CTNNA2: variants seen among roughly 807,000 people sequenced by gnomAD.
CTNNA2 encodes catenin alpha 2.
In CTNNA2, 42 loss-of-function variants were observed where a neutral mutation model predicts 101.0. The observed-to-expected ratio is 0.42, with a 90% confidence interval of 0.32 to 0.54. CTNNA2 has a LOEUF of 0.54. Ranked by LOEUF, CTNNA2 falls within the 20% of genes least tolerant of loss-of-function variation. CTNNA2 has a pLI of 0.14. For synonymous variants in CTNNA2, 450 were observed against 456.4 expected, an observed-to-expected ratio of 0.99 and a Z score of 0.18; for missense variants, 871 against 1,223.1, an observed-to-expected ratio of 0.71 and a Z score of 4.29.
At chr2:79,585,327 C>T (rs1206984045) in intron 1 of CTNNA2, among the ~76,000 whole-genome samples, 1 of 151,892 alleles carries the variant, frequency 6.6e-6, no homozygotes, top group African/African-American at 2.4e-5. Flanking sequence ...TTCTAATTGT[C>T]CTGTCTCTAA....
At chr2:79,311,864 A>G (rs1676382195) in intron 2 of CTNNA2, among the ~76,000 whole-genome samples, 1 of 152,104 alleles carries the variant, frequency 6.6e-6, no homozygotes, top group South Asian at 2.1e-4. Flanking sequence ...TACACATGCA[A>G]TTTATTTATG....
chr2:79,659,769 A>C (rs1681887972), intron 2 of CTNNA2, among the ~76,000 whole-genome samples: 1 of 152,162 alleles, frequency 6.6e-6, no homozygotes, highest in South Asian at 2.1e-4. Context: ...GGCCAAGGCA[A>C]GAGCATCACT....
At chr2:80,223,498 T>C (rs1708694992) in intron 7 of CTNNA2, among the ~76,000 whole-genome samples, 1 of 152,164 alleles carries the variant, frequency 6.6e-6, no homozygotes, top group Non-Finnish European at 1.5e-5. Flanking sequence ...GGTCTCAAAC[T>C]CCCGACCTCA....
intron 7 of CTNNA2, among the ~76,000 whole-genome samples, chr2:80,352,556 T>G (rs1199736678): frequency 1.3e-5 from 2 of 152,186 alleles, no homozygotes; most frequent in Non-Finnish European, 2.9e-5. Flanking sequence ...GGACACTTCA[T>G]CAGCAGTAAG....
At chr2:79,590,512 G>T (rs546882408) in intron 1 of CTNNA2, among the ~76,000 whole-genome samples, 1 of 152,054 alleles carries the variant, frequency 6.6e-6, no homozygotes, top group Admixed American at 6.6e-5. Flanking sequence ...GGAATGACAG[G>T]GTTAAAAAAT....
chr2:80,325,300 T>A (rs968436269), intron 7 of CTNNA2, among the ~76,000 whole-genome samples: 5 of 152,184 alleles, frequency 3.3e-5, no homozygotes, highest in African/African-American at 1.2e-4. Context: ...TTTATAGCTA[T>A]GGAAAGAAGG....
chr2:80,302,969 G>T lies in CTNNA2; in HGVS notation c.1057-90242G>T. On this transcript the variant is annotated intron_variant, in intron 7 of 18. Transcript: ENST00000402739. This position sits in a 1 kb window ranked among gnomAD's most constrained non-coding sequence, Gnocchi z 6.4. ...GAGGCGGTTGGAGTCCAGCTGCAGG[G>T]ACTGCAGGTGCGGCACGGTCTCGAA... is the stretch of plus-strand genomic sequence containing the variant. 6.2e-7 allele frequency: 1 copy of T among 1,613,824 alleles called. No individual in the cohort carries two copies. Among genetic ancestry groups the T allele is most frequent in the Non-Finnish European group, 8.5e-7 (1 of 1,179,998 alleles).
At chr2:80,607,235 G>C (rs1698106345) in intron 16 of CTNNA2, among the ~76,000 whole-genome samples, 2 of 151,762 alleles carry the variant, frequency 1.3e-5, no homozygotes, top group Non-Finnish European at 2.9e-5. Flanking sequence ...TAGTATTAAG[G>C]ATCTGGTGAT....
intron 4 of CTNNA2, among the ~76,000 whole-genome samples, chr2:79,482,737 G>A (rs1671122195): frequency 6.6e-6 from 1 of 152,194 alleles, no homozygotes; most frequent in Admixed American, 6.5e-5. Context: ...TTTATGCCAA[G>A]AGAACTGCAG....
At chr2:79,485,615 G>C (rs1671149888) in intron 4 of CTNNA2, among the ~76,000 whole-genome samples, 2 of 152,194 alleles carry the variant, frequency 1.3e-5, no homozygotes, top group African/African-American at 4.8e-5. Context: ...TAGGCACTGA[G>C]AGCAGCAGAG....
chr2:80,314,695 T>C (rs1294278294), intron 7 of CTNNA2, among the ~76,000 whole-genome samples: 1 of 152,174 alleles, frequency 6.6e-6, no homozygotes, highest in Non-Finnish European at 1.5e-5. Flanking sequence ...TGCCTCATGG[T>C]TCTATGTCAA....
chr2:80,029,386 GT>G (rs1695142825), intron 7 of CTNNA2: 1 of 152,146 alleles, frequency 6.6e-6, no homozygotes, highest in Non-Finnish European at 1.5e-5. Flanking sequence ...TGAACTGTAT[GT>G]TTTCAAGAGT....
intron 4 of CTNNA2, among the ~76,000 whole-genome samples, chr2:79,421,816 T>G (rs934807948): frequency 3.3e-5 from 5 of 151,934 alleles, no homozygotes; most frequent in Admixed American, 3.3e-4. Context: ...CTAAATCGAG[T>G]AGCTATGAAT....
intron 6 of CTNNA2, among the ~76,000 whole-genome samples, chr2:79,897,913 G>C (rs1684823580): frequency 6.6e-6 from 1 of 152,144 alleles, no homozygotes; most frequent in African/African-American, 2.4e-5. Flanking sequence ...GGGCAAGCTA[G>C]CCAAATGCTC....
intron 7 of CTNNA2, among the ~76,000 whole-genome samples, chr2:80,252,528 C>A (rs1025756439): frequency 1.3e-5 from 2 of 152,118 alleles, no homozygotes; most frequent in Non-Finnish European, 2.9e-5. Context: ...GGCTGTTAAA[C>A]AACATGCAGT....
chr2:80,542,432 T>G (rs1691653116), intron 9 of CTNNA2, among the ~76,000 whole-genome samples: 1 of 152,144 alleles, frequency 6.6e-6, no homozygotes. Context: ...GGCTGACCTT[T>G]TCTTTTTTTG....
intron 7 of CTNNA2, among the ~76,000 whole-genome samples, chr2:79,949,122 A>G (rs1173987078): frequency 6.6e-6 from 1 of 152,206 alleles, no homozygotes; most frequent in Non-Finnish European, 1.5e-5. Flanking sequence ...AAACTTTCAA[A>G]TGCTGATGCA....
chr2:80,565,760 T>C (rs909066693), intron 12 of CTNNA2, among the ~76,000 whole-genome samples: 1 of 152,136 alleles, frequency 6.6e-6, no homozygotes, highest in Non-Finnish European at 1.5e-5. Flanking sequence ...TTTGTGTTAT[T>C]TACCACTCGA....
At chr2:79,834,638 AT>A (rs11326752) in intron 3 of CTNNA2, among the ~76,000 whole-genome samples, 137,233 of 151,796 alleles carry the variant, frequency 0.9, 62,173 homozygotes, top group African/African-American at 0.93. Context: ...TTTATGTACT[AT>A]TTTTTGCAAA....
Sources: allele counts gnomAD v4.1 joint callset (sites outside exome capture counted in the v4.1 genomes callset), GRCh38; gene constraint gnomAD v4.1.1; non-coding constraint Gnocchi (gnomAD v3.1); transcripts MANE v1.5; gene names NCBI Gene and HGNC (gene_info 2026-07-23, HGNC 2026-07-21).